SUGCT: variants seen among roughly 807,000 people sequenced by gnomAD.
SUGCT encodes succinyl-CoA:glutarate CoA-transferase.
In SUGCT, 41 loss-of-function variants were observed where a neutral mutation model predicts 55.0. The observed-to-expected ratio is 0.74, with a 90% confidence interval of 0.58 to 0.97. The LOEUF is 0.97. SUGCT is among the 50% of genes least tolerant of loss of function. The probability of loss-of-function intolerance (pLI) is 0.00; values close to 1 mark genes in which losing one functional copy is unlikely to be tolerated. For missense variants in SUGCT, 568 were observed against 547.8 expected (o/e 1.04, Z -0.37); for synonymous variants, 187 against 200.4 (o/e 0.93, Z 0.56).
chr7:40,166,564 G>T (rs541904052), intron 1 of SUGCT, among the ~76,000 whole-genome samples: 1 of 151,962 alleles, frequency 6.6e-6, no homozygotes, highest in African/African-American at 2.4e-5. Context: ...ACCTTTATAC[G>T]CCCATTCAAA....
intron 13 of SUGCT, among the ~76,000 whole-genome samples, chr7:40,829,070 T>C (rs543987069): frequency 1.9e-4 from 29 of 152,282 alleles, no homozygotes; most frequent in Non-Finnish European, 3.5e-4. Flanking sequence ...TTGCCCTCAC[T>C]GCTAATAAGC....
intron 13 of SUGCT, among the ~76,000 whole-genome samples, chr7:40,813,345 A>G (rs917044206): frequency 6.6e-6 from 1 of 151,936 alleles, no homozygotes; most frequent in Admixed American, 6.5e-5. Context: ...GGCTGTGTAC[A>G]TCTTTTCATA....
At chr7:40,842,653 A>G (rs1377619682) in intron 13 of SUGCT, among the ~76,000 whole-genome samples, 1 of 152,224 alleles carries the variant, frequency 6.6e-6, no homozygotes, top group African/African-American at 2.4e-5. Flanking sequence ...AATGCAAAGA[A>G]AACAGATAAG....
chr7:40,336,800 G>A (rs905865354), intron 9 of SUGCT, among the ~76,000 whole-genome samples: 4 of 152,112 alleles, frequency 2.6e-5, no homozygotes, highest in African/African-American at 9.7e-5. Context: ...GCTTTTGAAT[G>A]TGTTTGCTCT....
At chr7:40,761,227 G>A (rs1007333720) in intron 13 of SUGCT, among the ~76,000 whole-genome samples, 6 of 152,168 alleles carry the variant, frequency 3.9e-5, no homozygotes, top group Non-Finnish European at 8.8e-5. Flanking sequence ...CCAGATGGAC[G>A]TGAGGCTAAA....
chr7:40,764,043 C>G (rs1392830546), intron 13 of SUGCT, among the ~76,000 whole-genome samples: 1 of 152,140 alleles, frequency 6.6e-6, no homozygotes, highest in East Asian at 1.9e-4. Context: ...AGAGGGAGGT[C>G]TTTTCAATAG....
chr7:40,295,330 C>T (rs1168644515), intron 8 of SUGCT, among the ~76,000 whole-genome samples: 2 of 152,104 alleles, frequency 1.3e-5, no homozygotes, highest in Admixed American at 1.3e-4. Flanking sequence ...AATCACAACA[C>T]TTTGGGAGGT....
At chr7:40,882,966 T>C in the SUGCT span, among the ~76,000 whole-genome samples, 1 of 152,208 alleles carries the variant, frequency 6.6e-6, no homozygotes, top group Admixed American at 6.5e-5. Context: ...ATGCTTCTAG[T>C]ATATGTGGAT....
the SUGCT span, among the ~76,000 whole-genome samples, chr7:41,030,537 TC>T: frequency 6.6e-6 from 1 of 152,192 alleles, no homozygotes; most frequent in Non-Finnish European, 1.5e-5. Context: ...CTTTACTTCC[TC>T]CTCTCGTCCC....
chr7:40,409,233 G>C (rs191778335), intron 9 of SUGCT, among the ~76,000 whole-genome samples: 1 of 152,124 alleles, frequency 6.6e-6, no homozygotes, highest in East Asian at 1.9e-4. Flanking sequence ...TGGGATTACA[G>C]GTGTGAGCCA....
At chr7:40,773,596 T>C (rs1789297445) in intron 13 of SUGCT, among the ~76,000 whole-genome samples, 1 of 152,222 alleles carries the variant, frequency 6.6e-6, no homozygotes, top group Non-Finnish European at 1.5e-5. Flanking sequence ...TGAGCAGCTC[T>C]CCGATGGGAA....
At chr7:40,201,360 T>A (rs1786595101) in intron 6 of SUGCT, among the ~76,000 whole-genome samples, 1 of 152,176 alleles carries the variant, frequency 6.6e-6, no homozygotes, top group Non-Finnish European at 1.5e-5. Context: ...TAAGTATCAT[T>A]TTTAGACTGA....
chr7:40,393,628 G>T (rs973160157), intron 9 of SUGCT, among the ~76,000 whole-genome samples: 64 of 152,006 alleles, frequency 4.2e-4, no homozygotes, highest in Admixed American at 5.2e-4. Flanking sequence ...TTGAGAGGGA[G>T]GTGTTGAAGA....
At chr7:40,336,217 G>T (rs1052821822) in intron 9 of SUGCT, among the ~76,000 whole-genome samples, 3 of 151,988 alleles carry the variant, frequency 2.0e-5, no homozygotes, top group African/African-American at 7.3e-5. Context: ...CTCTTTTTTT[G>T]TTGTATCTCT....
At chr7:40,963,551 G>A in the SUGCT span, among the ~76,000 whole-genome samples, 4 of 152,150 alleles carry the variant, frequency 2.6e-5, no homozygotes, top group Non-Finnish European at 4.4e-5. Flanking sequence ...GAATGTTTTT[G>A]TGTTTCTCTT....
the SUGCT span, among the ~76,000 whole-genome samples, chr7:40,895,042 A>T: frequency 2.0e-5 from 3 of 152,230 alleles, no homozygotes; most frequent in Non-Finnish European, 4.4e-5. Context: ...TCACAATAGA[A>T]AAGACATTAA....
chr7:40,176,647 T>G (rs1055778172), intron 1 of SUGCT, among the ~76,000 whole-genome samples: 2 of 151,228 alleles, frequency 1.3e-5, no homozygotes, highest in Non-Finnish European at 2.9e-5. Context: ...ATTATTTTGT[T>G]TTTTTTTTAA....
intron 10 of SUGCT, among the ~76,000 whole-genome samples, chr7:40,455,792 A>C (rs1321070925): frequency 1.3e-5 from 2 of 152,174 alleles, no homozygotes; most frequent in Non-Finnish European, 2.9e-5. Flanking sequence ...CTGCATATGC[A>C]AAGATCTTTT....
At chr7:40,290,510 T>C (rs2151046835) in intron 8 of SUGCT, among the ~76,000 whole-genome samples, 1 of 152,270 alleles carries the variant, frequency 6.6e-6, no homozygotes. Flanking sequence ...TAATTCAAGA[T>C]GGATTAAAGA....
Sources: allele counts gnomAD v4.1 joint callset (sites outside exome capture counted in the v4.1 genomes callset), GRCh38; gene constraint gnomAD v4.1.1; transcripts MANE v1.5; gene names NCBI Gene and HGNC (gene_info 2026-07-23, HGNC 2026-07-21).